Variants in SGCZ observed in about 807,000 individuals in gnomAD.
SGCZ encodes zeta-sarcoglycan.
In SGCZ, 40 loss-of-function variants were observed where a neutral mutation model predicts 41.3. That is an observed-to-expected ratio of 0.97 (90% CI 0.75 to 1.26). The LOEUF (loss-of-function observed/expected upper bound fraction) is 1.26, where lower values mean the gene tolerates loss of function less well. Ranked by LOEUF, SGCZ falls within the 50% of genes most tolerant of loss-of-function variation. SGCZ has a pLI of 0.00. For missense variants in SGCZ, 552 were observed against 369.8 expected (o/e 1.49, Z -4.04); for synonymous variants, 206 against 137.5 (o/e 1.50, Z -3.49).
chr8:14,764,882 G>C (rs1382383594), intron 1 of SGCZ, among the ~76,000 whole-genome samples: 1 of 151,908 alleles, frequency 6.6e-6, no homozygotes, highest in Admixed American at 6.6e-5. Flanking sequence ...TATTTATAAA[G>C]AGTCATAATG....
chr8:14,575,913 CAAAAAA>C (rs66656586), intron 1 of SGCZ, among the ~76,000 whole-genome samples: 43 of 100,014 alleles, frequency 4.3e-4, no homozygotes, highest in African/African-American at 1.2e-3. Flanking sequence ...CTCAAAATAA[CAAAAAA>C]AAAAAAAAAA....
intron 2 of SGCZ, among the ~76,000 whole-genome samples, chr8:14,383,139 T>G (rs1804432823): frequency 2.0e-5 from 3 of 152,144 alleles, no homozygotes; most frequent in Admixed American, 2.0e-4. Flanking sequence ...AAGTCTGCAG[T>G]AGATATCAGA....
At chr8:14,778,097 T>C (rs1206606757) in intron 1 of SGCZ, among the ~76,000 whole-genome samples, 1 of 152,042 alleles carries the variant, frequency 6.6e-6, no homozygotes, top group Non-Finnish European at 1.5e-5. Flanking sequence ...CTAATAATTT[T>C]TTTTTGTTTT....
At chr8:14,391,782 C>T (rs1344463473) in intron 2 of SGCZ, among the ~76,000 whole-genome samples, 4 of 152,114 alleles carry the variant, frequency 2.6e-5, no homozygotes, top group African/African-American at 7.2e-5. Context: ...AATTGGCTCA[C>T]ATTTCTTCAG....
At chr8:14,722,740 C>T (rs887724901) in intron 1 of SGCZ, among the ~76,000 whole-genome samples, 4 of 151,948 alleles carry the variant, frequency 2.6e-5, no homozygotes, top group Non-Finnish European at 4.4e-5. Context: ...ATCAAGGAAA[C>T]ATATGAGGGA....
chr8:15,144,316 G>C (rs561519671), intron 1 of SGCZ, among the ~76,000 whole-genome samples: 202 of 152,218 alleles, frequency 1.3e-3, no homozygotes, highest in African/African-American at 4.5e-3. Flanking sequence ...TTTCAACAAA[G>C]CTCTACAGCT....
chr8:14,111,849 G>A (rs960592042), intron 5 of SGCZ, among the ~76,000 whole-genome samples: 16 of 152,300 alleles, frequency 1.1e-4, no homozygotes, highest in East Asian at 5.8e-4. Flanking sequence ...TTTAAAGACC[G>A]TTTAAGACAT....
At chr8:14,934,955 C>T (rs906092683) in intron 1 of SGCZ, among the ~76,000 whole-genome samples, 11 of 148,284 alleles carry the variant, frequency 7.4e-5, no homozygotes, top group African/African-American at 2.7e-4. Context: ...AGCCCCTCAA[C>T]TTAGAGTTAT....
chr8:14,925,044 G>T (rs1340887749), intron 1 of SGCZ, among the ~76,000 whole-genome samples: 1 of 151,892 alleles, frequency 6.6e-6, no homozygotes, highest in Non-Finnish European at 1.5e-5. Context: ...TTTTAGTAGA[G>T]CCAGGGTTTC....
intron 1 of SGCZ, among the ~76,000 whole-genome samples, chr8:14,995,467 A>G (rs1802182853): frequency 6.6e-6 from 1 of 152,226 alleles, no homozygotes; most frequent in Non-Finnish European, 1.5e-5. Context: ...TTGAAAGGAC[A>G]GTGGTGTCAT....
chr8:14,257,919 T>C (rs894330952), intron 3 of SGCZ, among the ~76,000 whole-genome samples: 4 of 152,196 alleles, frequency 2.6e-5, no homozygotes, highest in African/African-American at 9.7e-5. Flanking sequence ...TAGATATAGA[T>C]ATATAGACAT....
chr8:14,385,263 G>A (rs568825516), intron 2 of SGCZ, among the ~76,000 whole-genome samples: 1 of 152,260 alleles, frequency 6.6e-6, no homozygotes, highest in South Asian at 2.1e-4. Flanking sequence ...ACACTATTAA[G>A]AGAATCCTCC....
intron 1 of SGCZ, among the ~76,000 whole-genome samples, chr8:14,594,770 T>C (rs1018495662): frequency 1.3e-5 from 2 of 151,956 alleles, no homozygotes; most frequent in African/African-American, 4.9e-5. Flanking sequence ...TACTATTACG[T>C]GAATTCTAGT....
At chr8:14,841,999 T>C (rs985103247) in intron 1 of SGCZ, among the ~76,000 whole-genome samples, 2 of 152,192 alleles carry the variant, frequency 1.3e-5, no homozygotes, top group Non-Finnish European at 2.9e-5. Flanking sequence ...TAAGTATGTG[T>C]GGACTTCATT....
chr8:14,128,732 C>G (rs1802942928), intron 5 of SGCZ, among the ~76,000 whole-genome samples: 2 of 151,934 alleles, frequency 1.3e-5, no homozygotes, highest in African/African-American at 4.8e-5. Context: ...CACACACACA[C>G]ACACCATTGA....
chr8:14,835,813 A>C (rs960535381), intron 1 of SGCZ, among the ~76,000 whole-genome samples: 2 of 152,200 alleles, frequency 1.3e-5, no homozygotes, highest in African/African-American at 4.8e-5. Context: ...TCTTTATGTC[A>C]GTTGCTGGGA....
intron 1 of SGCZ, among the ~76,000 whole-genome samples, chr8:15,022,700 G>A (rs1803301326): frequency 6.6e-6 from 1 of 152,076 alleles, no homozygotes; most frequent in South Asian, 2.1e-4. Context: ...GGATCAGTAT[G>A]CTAGCAATGC....
At position 14,427,052 on chromosome 8, in the gene SGCZ, ATGAATGAATGAATGAG is replaced by A. The variant is rs1413539359; in HGVS notation, c.235-102864_235-102849del. Reference sequence around the variant, plus strand: ...ATTAAATGAATGAATGAATGAATGAATGAATGAATGAATGAGTGAATGAACGAATGAATGAGTGAAT... The same window carrying A: ...ATTAAATGAATGAATGAATGAATGAATGAATGAACGAATGAATGAGTGAAT... On this transcript the variant is annotated intron_variant, in intron 2 of 7. Transcript: ENST00000382080. Among the ~76,000 whole-genome samples, 881 of 144,386 alleles carry A rather than the reference ATGAATGAATGAATGAG, an allele frequency of 6.1e-3. 9 individuals carry two copies. The highest frequency in any genetic ancestry group is 0.02 in the African/African-American group (808 of 41,120). 94.7% of individuals were successfully genotyped at this position (144,386 alleles called of 152,430 possible).
chr8:14,737,694 C>A (rs771265378), intron 1 of SGCZ, among the ~76,000 whole-genome samples: 5 of 152,048 alleles, frequency 3.3e-5, no homozygotes, highest in African/African-American at 1.2e-4. Context: ...ATATGGCCTT[C>A]TCTCCATAAC....
Sources: gnomAD v4.1 joint callset for allele counts (sites outside exome capture counted in the v4.1 genomes callset) on GRCh38, gnomAD v4.1.1 for gene constraint, MANE v1.5 for transcripts, NCBI Gene and HGNC (gene_info 2026-07-23, HGNC 2026-07-21) for gene names.